CCDC178: variants seen among roughly 807,000 people sequenced by gnomAD.
CCDC178 encodes the protein coiled-coil domain containing 178, also known as coiled-coil domain-containing protein 178.
A neutral mutation model predicts 117.4 loss-of-function variants in CCDC178; 126 were observed. The observed-to-expected ratio is 1.07, with a 90% CI of 0.93 to 1.24. The LOEUF (loss-of-function observed/expected upper bound fraction) is 1.24. CCDC178 is among the 50% of genes most tolerant of loss of function. The pLI is 0.00. For synonymous variants in CCDC178, 283 were observed against 313.4 expected, an observed-to-expected ratio of 0.90 and a Z score of 1.02; for missense variants, 1,030 against 986.9, an observed-to-expected ratio of 1.04 and a Z score of -0.59.
intron 22 of CCDC178, among the ~76,000 whole-genome samples, chr18:32,940,435 T>C (rs1016326245): frequency 1.6e-4 from 25 of 152,056 alleles, no homozygotes; most frequent in Admixed American, 1.4e-3. Context: ...TATTTTACTT[T>C]TTGTTCCTAG....
At chr18:33,414,984 A>C (rs1322347141) in intron 2 of CCDC178, among the ~76,000 whole-genome samples, 1 of 152,240 alleles carries the variant, frequency 6.6e-6, no homozygotes, top group Non-Finnish European at 1.5e-5. Flanking sequence ...AGAAATGCAA[A>C]TCAAAACCAC....
chr18:33,084,746 G>C (rs1413182735), intron 21 of CCDC178, among the ~76,000 whole-genome samples: 1 of 151,852 alleles, frequency 6.6e-6, no homozygotes, highest in Non-Finnish European at 1.5e-5. Flanking sequence ...CAGAGGAGGA[G>C]GTTGCAGTGA....
intron 20 of CCDC178, among the ~76,000 whole-genome samples, chr18:33,127,666 T>A (rs1378599804): frequency 2.0e-5 from 3 of 152,070 alleles, no homozygotes; most frequent in Non-Finnish European, 4.4e-5. Flanking sequence ...GAACTCCTGA[T>A]CTCGTAATCC....
At chr18:33,190,221 G>A (rs1321570752) in intron 20 of CCDC178, among the ~76,000 whole-genome samples, 1 of 152,168 alleles carries the variant, frequency 6.6e-6, no homozygotes, top group Non-Finnish European at 1.5e-5. Flanking sequence ...AGACTAATTA[G>A]TGACTCTCTA....
chr18:33,016,926 A>C (rs1231538694), intron 21 of CCDC178, among the ~76,000 whole-genome samples: 1 of 152,002 alleles, frequency 6.6e-6, no homozygotes, highest in Non-Finnish European at 1.5e-5. Context: ...CTTAATGAAA[A>C]GTACTTGATG....
At chr18:33,134,115 C>T (rs1043269053) in intron 20 of CCDC178, among the ~76,000 whole-genome samples, 1 of 151,836 alleles carries the variant, frequency 6.6e-6, no homozygotes, top group African/African-American at 2.4e-5. Flanking sequence ...AAAGTTTGCA[C>T]CTGAGCGGTA....
intron 9 of CCDC178, among the ~76,000 whole-genome samples, chr18:33,335,505 T>G (rs2062727389): frequency 6.6e-6 from 1 of 152,030 alleles, no homozygotes; most frequent in Admixed American, 6.5e-5. Context: ...TGATGCCCTC[T>G]CATTCTATAT....
intron 21 of CCDC178, among the ~76,000 whole-genome samples, chr18:33,014,064 T>C (rs1180123573): frequency 6.6e-6 from 1 of 152,186 alleles, no homozygotes; most frequent in African/African-American, 2.4e-5. Flanking sequence ...TCTGTAAAAA[T>C]TGTAAGCTTT....
At chr18:33,245,150 T>G in intron 15 of CCDC178, 95 bp downstream of exon 15, 14 of 1,180,842 alleles carry the variant, frequency 1.2e-5, no homozygotes, top group Non-Finnish European at 1.2e-5. Context: ...TGTTAATCCT[T>G]AAATTAAAAT....
At chr18:33,279,598 A>G (rs77814151) in intron 12 of CCDC178, among the ~76,000 whole-genome samples, 1 of 151,770 alleles carries the variant, frequency 6.6e-6, no homozygotes, top group Non-Finnish European at 1.5e-5. Flanking sequence ...ATTGGAAAAA[A>G]CTACTTTCAA....
At chr18:33,018,598 C>T (rs2056047095) in intron 21 of CCDC178, among the ~76,000 whole-genome samples, 1 of 152,032 alleles carries the variant, frequency 6.6e-6, no homozygotes, top group South Asian at 2.1e-4. Flanking sequence ...ACCTTTAAAG[C>T]ATTATGCCTT....
At chr18:33,090,824 C>G (rs1438396698) in intron 21 of CCDC178, among the ~76,000 whole-genome samples, 1 of 152,194 alleles carries the variant, frequency 6.6e-6, no homozygotes, top group Admixed American at 6.5e-5. Context: ...CAAACATAAA[C>G]CCAATCTCCC....
intron 21 of CCDC178, among the ~76,000 whole-genome samples, chr18:33,085,583 A>C (rs2057367935): frequency 6.6e-6 from 1 of 152,202 alleles, no homozygotes; most frequent in African/African-American, 2.4e-5. Flanking sequence ...ATAAATAAAA[A>C]ATAAAACGTA....
At chr18:33,376,908 A>G (rs1018955301) in intron 5 of CCDC178, among the ~76,000 whole-genome samples, 1 of 152,242 alleles carries the variant, frequency 6.6e-6, no homozygotes, top group African/African-American at 2.4e-5. Flanking sequence ...TGCTGTGATG[A>G]ACAAATGAGT....
intron 20 of CCDC178, among the ~76,000 whole-genome samples, chr18:33,166,246 G>T (rs1169837801): frequency 1.3e-5 from 2 of 152,074 alleles, no homozygotes; most frequent in Non-Finnish European, 2.9e-5. Context: ...AACAAATAAA[G>T]AAAACACTTG....
chr18:33,041,537 C>T (rs376656141), intron 21 of CCDC178, among the ~76,000 whole-genome samples: 2 of 150,576 alleles, frequency 1.3e-5, no homozygotes, highest in Non-Finnish European at 3.0e-5. Flanking sequence ...TTACTAAATC[C>T]GTTAATAATA....
At chr18:33,273,304 GAATA>G (rs2059910695) in intron 12 of CCDC178, among the ~76,000 whole-genome samples, 1 of 151,400 alleles carries the variant, frequency 6.6e-6, no homozygotes, top group Admixed American at 6.6e-5. Context: ...GTGTCAAAAT[GAATA>G]AAAATTTAGG....
chr18:33,191,748 T>C (rs2058860859), intron 20 of CCDC178, among the ~76,000 whole-genome samples: 1 of 152,056 alleles, frequency 6.6e-6, no homozygotes, highest in Non-Finnish European at 1.5e-5. Context: ...ATAAACTCTT[T>C]CCATGAATAA....
chr18:33,096,918 A>T (rs376055309), intron 20 of CCDC178, among the ~76,000 whole-genome samples: 2 of 152,150 alleles, frequency 1.3e-5, no homozygotes, highest in African/African-American at 4.8e-5. Context: ...TGTAGCAATG[A>T]TCTGAGACTT....
Sources: allele counts gnomAD v4.1 joint callset (sites outside exome capture counted in the v4.1 genomes callset), GRCh38; gene constraint gnomAD v4.1.1; transcripts MANE v1.5; gene names NCBI Gene and HGNC (gene_info 2026-07-23, HGNC 2026-07-21).